CDH12: variants seen among roughly 807,000 people sequenced by gnomAD.
CDH12 encodes cadherin-12.
In CDH12, 41 loss-of-function variants were observed where a neutral mutation model predicts 74.1. The observed-to-expected ratio is 0.55, with a 90% CI of 0.43 to 0.72. The LOEUF is 0.72. Ranked by LOEUF, CDH12 falls within the 30% of genes least tolerant of loss-of-function variation. The pLI, the probability that CDH12 is intolerant of heterozygous loss-of-function variation, is 0.00. For missense variants in CDH12, 945 were observed against 977.2 expected (o/e 0.97, Z 0.44); for synonymous variants, 399 against 355.0 (o/e 1.12, Z -1.39).
In CDH12 at chr5:22,754,683, C is replaced by T. The variant is rs772680225; in HGVS notation, c.-523+98375G>A. ...GGCACAAAACGAGATGGGAAAGTGACGGAGCAATACATGAGTCTGTAATGA... is the reference window on the plus strand; with the variant it reads ...GGCACAAAACGAGATGGGAAAGTGATGGAGCAATACATGAGTCTGTAATGA... On this transcript the variant is annotated intron_variant, in intron 1 of 14. Transcript: ENST00000382254. Among the ~76,000 whole-genome samples the T allele has an allele frequency of 4.9e-4, 75 of 151,730 alleles. 1 individual carries two copies. Among genetic ancestry groups the T allele is most frequent in the South Asian group, 4.2e-4 (2 of 4,784 alleles).
At chr5:22,371,396 A>T (rs1014122860) in intron 3 of CDH12, among the ~76,000 whole-genome samples, 3 of 152,196 alleles carry the variant, frequency 2.0e-5, no homozygotes, top group Non-Finnish European at 4.4e-5. Flanking sequence ...GTTGAATCAT[A>T]ATTTAAATAC....
chr5:22,069,219 C>T (rs1741774674), intron 5 of CDH12, among the ~76,000 whole-genome samples: 1 of 152,112 alleles, frequency 6.6e-6, no homozygotes, highest in Admixed American at 6.6e-5. Flanking sequence ...TGAACCCATG[C>T]TCATGGAATT....
chr5:21,768,012 A>G (rs900461954), intron 11 of CDH12, among the ~76,000 whole-genome samples: 36 of 151,874 alleles, frequency 2.4e-4, no homozygotes, highest in Admixed American at 1.1e-3. Context: ...CAACGATGAA[A>G]TTCATTTAAC....
intron 6 of CDH12, among the ~76,000 whole-genome samples, chr5:21,885,586 A>G (rs1752585767): frequency 6.6e-6 from 1 of 152,210 alleles, no homozygotes; most frequent in Non-Finnish European, 1.5e-5. Context: ...ATATTTTCCT[A>G]TCCTGAATTT....
chr5:22,426,047 T>C (rs371523192), intron 2 of CDH12, among the ~76,000 whole-genome samples: 37 of 151,760 alleles, frequency 2.4e-4, no homozygotes, highest in East Asian at 1.7e-3. Flanking sequence ...ATTAGCTGGG[T>C]GTGGTGGCGG....
At chr5:22,756,954 G>A (rs1313716390) in intron 1 of CDH12, among the ~76,000 whole-genome samples, 12 of 114,764 alleles carry the variant, frequency 1.0e-4, no homozygotes, top group African/African-American at 3.0e-4. Context: ...GAAAGACTCC[G>A]TCTCAAAAAA....
chr5:21,918,320 T>C (rs1266721447), intron 6 of CDH12, among the ~76,000 whole-genome samples: 1 of 152,172 alleles, frequency 6.6e-6, no homozygotes, highest in East Asian at 1.9e-4. Flanking sequence ...GTAAGATAAT[T>C]CCTATTCAGA....
chr5:22,554,288 C>T (rs1341115902), intron 1 of CDH12, among the ~76,000 whole-genome samples: 2 of 151,980 alleles, frequency 1.3e-5, no homozygotes, highest in East Asian at 1.9e-4. Context: ...CAAGAGTGAA[C>T]CCTAATGGGA....
chr5:22,622,193 T>C (rs1374632250), intron 1 of CDH12, among the ~76,000 whole-genome samples: 1 of 152,062 alleles, frequency 6.6e-6, no homozygotes, highest in Non-Finnish European at 1.5e-5. Flanking sequence ...TAGACAAAGT[T>C]ATAAATAAGC....
chr5:22,822,873 C>T (rs1042789268), intron 1 of CDH12, among the ~76,000 whole-genome samples: 1 of 152,062 alleles, frequency 6.6e-6, no homozygotes, highest in Non-Finnish European at 1.5e-5. Context: ...CCCAGCCATC[C>T]GATTCCTGGG....
intron 9 of CDH12, 132 bp downstream of exon 9, chr5:21,816,813 C>T (rs34844603): frequency 1.8e-6 from 1 of 552,596 alleles, no homozygotes; most frequent in African/African-American, 2.0e-5. Context: ...TACCCCAACT[C>T]TCACATGGTT....
At chr5:21,952,164 A>T (rs1755892168) in intron 6 of CDH12, among the ~76,000 whole-genome samples, 1 of 152,128 alleles carries the variant, frequency 6.6e-6, no homozygotes, top group Non-Finnish European at 1.5e-5. Context: ...AGTTATCATC[A>T]TTTAAGTGTC....
chr5:22,329,366 T>C (rs977292893), intron 3 of CDH12, among the ~76,000 whole-genome samples: 4 of 152,206 alleles, frequency 2.6e-5, no homozygotes, highest in African/African-American at 9.6e-5. Flanking sequence ...ACAATGCTTC[T>C]TGAGTCACAC....
intron 1 of CDH12, among the ~76,000 whole-genome samples, chr5:22,667,543 T>A (rs1020189465): frequency 6.6e-6 from 1 of 152,208 alleles, no homozygotes. Flanking sequence ...TTCCTGACAC[T>A]GGAGGCTGTG....
intron 7 of CDH12, among the ~76,000 whole-genome samples, chr5:21,850,138 G>A (rs1341845441): frequency 6.6e-6 from 1 of 151,486 alleles, no homozygotes; most frequent in Non-Finnish European, 1.5e-5. Flanking sequence ...AGATTATAAG[G>A]GTCAGGGTAT....
intron 7 of CDH12, among the ~76,000 whole-genome samples, chr5:21,842,690 C>CA (rs1364037248): frequency 6.6e-6 from 1 of 152,008 alleles, no homozygotes; most frequent in Admixed American, 6.6e-5. Flanking sequence ...AATATAAATA[C>CA]AAAAAATGCG....
chr5:22,203,517 C>T (rs1469449520), intron 4 of CDH12, among the ~76,000 whole-genome samples: 1 of 152,236 alleles, frequency 6.6e-6, no homozygotes, highest in East Asian at 1.9e-4. Flanking sequence ...TAGGTTGATG[C>T]CATATCTTGG....
At chr5:22,118,422 C>T (rs1464896112) in intron 4 of CDH12, among the ~76,000 whole-genome samples, 1 of 152,064 alleles carries the variant, frequency 6.6e-6, no homozygotes, top group African/African-American at 2.4e-5. Context: ...CTGCTTGCTA[C>T]AATAACCTCT....
intron 11 of CDH12, among the ~76,000 whole-genome samples, 161 bp downstream of exon 11, chr5:21,783,197 T>C (rs1031932396): frequency 6.6e-6 from 1 of 152,076 alleles, no homozygotes; most frequent in Non-Finnish European, 1.5e-5. Flanking sequence ...ACAATTTCTC[T>C]GGACTTATGC....
Sources: gnomAD v4.1 joint callset for allele counts (sites outside exome capture counted in the v4.1 genomes callset) on GRCh38, gnomAD v4.1.1 for gene constraint, MANE v1.5 for transcripts, NCBI Gene and HGNC (gene_info 2026-07-23, HGNC 2026-07-21) for gene names.